Variants in MLLT3 observed in about 807,000 individuals in gnomAD.
MLLT3 encodes the protein protein AF-9.
MLLT3 carries 4 observed loss-of-function variants against 53.2 expected under a neutral mutation model. The observed-to-expected ratio is 0.08, with a 90% confidence interval of 0.04 to 0.17. MLLT3 has a LOEUF of 0.17. Among genes scored for constraint, MLLT3 ranks in the 10% least tolerant of loss-of-function variants. The probability of loss-of-function intolerance (pLI) is 1.00; values close to 1 mark genes in which losing one functional copy is unlikely to be tolerated. For synonymous variants in MLLT3, 283 were observed against 230.6 expected (o/e 1.23, Z -2.06); for missense variants, 569 against 684.0 (o/e 0.83, Z 1.87).
chr9:20,564,189 T>A (rs1273502977), intron 2 of MLLT3, among the ~76,000 whole-genome samples: 1 of 152,140 alleles, frequency 6.6e-6, no homozygotes, highest in Admixed American at 6.6e-5. Context: ...TACAGAGTGA[T>A]CAAGACTGGC....
chr9:20,578,298 T>A (rs1244253120), intron 2 of MLLT3, among the ~76,000 whole-genome samples: 1 of 152,176 alleles, frequency 6.6e-6, no homozygotes, highest in Admixed American at 6.6e-5. Flanking sequence ...AAATTTTGAA[T>A]CACTCTGAAC....
intron 2 of MLLT3, among the ~76,000 whole-genome samples, chr9:20,468,512 T>C (rs964062582): frequency 6.6e-6 from 1 of 152,130 alleles, no homozygotes; most frequent in Non-Finnish European, 1.5e-5. Flanking sequence ...TCCGAGGTTA[T>C]GTACTAAAGC....
intron 7 of MLLT3, 79 bp from the exon 8 acceptor site, chr9:20,360,920 G>T: frequency 8.0e-7 from 1 of 1,252,198 alleles, no homozygotes. Flanking sequence ...GGCGTGGAAA[G>T]CACAGAATCC....
intron 2 of MLLT3, among the ~76,000 whole-genome samples, chr9:20,474,992 AG>A (rs1824485319): frequency 6.6e-6 from 1 of 152,110 alleles, no homozygotes; most frequent in South Asian, 2.1e-4. Flanking sequence ...CTGTCAGCCT[AG>A]TACACCAACC....
intron 8 of MLLT3, among the ~76,000 whole-genome samples, chr9:20,358,417 T>A (rs538197448): frequency 6.6e-6 from 1 of 152,202 alleles, no homozygotes; most frequent in African/African-American, 2.4e-5. Flanking sequence ...GATTCACATG[T>A]GTGAAGCAAC....
At chr9:20,471,713 G>A (rs182648218) in intron 2 of MLLT3, among the ~76,000 whole-genome samples, 52 of 152,098 alleles carry the variant, frequency 3.4e-4, no homozygotes, top group Admixed American at 1.7e-3. Flanking sequence ...CAACAGTTAC[G>A]CTTACTTCCA....
intron 2 of MLLT3, among the ~76,000 whole-genome samples, chr9:20,610,313 G>A (rs1820670450): frequency 6.6e-6 from 1 of 152,092 alleles, no homozygotes; most frequent in Non-Finnish European, 1.5e-5. Flanking sequence ...AGCATCCAAA[G>A]TAAGTGAAGA....
At chr9:20,398,874 T>A (rs892404766) in intron 5 of MLLT3, among the ~76,000 whole-genome samples, 2 of 152,120 alleles carry the variant, frequency 1.3e-5, no homozygotes, top group Non-Finnish European at 2.9e-5. Context: ...TGTGGTTTAA[T>A]ACCCTTCACG....
intron 6 of MLLT3, 43 bp from the exon 7 acceptor site, chr9:20,363,648 A>C: frequency 6.2e-7 from 1 of 1,602,264 alleles, no homozygotes; most frequent in South Asian, 1.1e-5. Flanking sequence ...ACATATACTC[A>C]AACACACTTA....
At chr9:20,503,459 C>A (rs1265833681) in intron 2 of MLLT3, among the ~76,000 whole-genome samples, 1 of 152,146 alleles carries the variant, frequency 6.6e-6, no homozygotes, top group East Asian at 1.9e-4. Flanking sequence ...ACAGCCTCTT[C>A]AATAAATGGT....
chr9:20,352,574 T>C (rs1209191559), intron 10 of MLLT3, among the ~76,000 whole-genome samples: 2 of 152,098 alleles, frequency 1.3e-5, no homozygotes, highest in East Asian at 1.9e-4. Context: ...TAGTCTTTTG[T>C]TCAAATCTAA....
intron 2 of MLLT3, among the ~76,000 whole-genome samples, chr9:20,524,070 A>G (rs1320595489): frequency 6.6e-6 from 1 of 151,834 alleles, no homozygotes; most frequent in Non-Finnish European, 1.5e-5. Context: ...AGCACAGTGG[A>G]TTTTTTGGAC....
intron 2 of MLLT3, among the ~76,000 whole-genome samples, chr9:20,544,168 G>T (rs905911115): frequency 6.6e-6 from 1 of 152,178 alleles, no homozygotes; most frequent in Non-Finnish European, 1.5e-5. Context: ...AGAAAAAGAA[G>T]TTGGATTAAG....
At chr9:20,489,140 C>T (rs1824883780) in intron 2 of MLLT3, among the ~76,000 whole-genome samples, 1 of 152,148 alleles carries the variant, frequency 6.6e-6, no homozygotes, top group African/African-American at 2.4e-5. Context: ...TTCCTTGTTT[C>T]TCCTGGCTTA....
At chr9:20,452,274 T>C (rs377239308) in intron 3 of MLLT3, among the ~76,000 whole-genome samples, 3 of 152,312 alleles carry the variant, frequency 2.0e-5, no homozygotes, top group Admixed American at 1.3e-4. Flanking sequence ...GGGAGGTAAT[T>C]AGATTATGGG....
At chr9:20,559,658 T>A (rs1158430789) in intron 2 of MLLT3, among the ~76,000 whole-genome samples, 2 of 152,220 alleles carry the variant, frequency 1.3e-5, no homozygotes, top group East Asian at 1.9e-4. Flanking sequence ...ATGCATCACA[T>A]GGCATCCTTT....
chr9:20,385,811 A>G (rs1822020273), intron 5 of MLLT3, among the ~76,000 whole-genome samples: 1 of 152,202 alleles, frequency 6.6e-6, no homozygotes, highest in Non-Finnish European at 1.5e-5. Flanking sequence ...CCACTAATTG[A>G]CAGATGATTC....
At chr9:20,507,574 C>T (rs1271356918) in intron 2 of MLLT3, among the ~76,000 whole-genome samples, 2 of 152,014 alleles carry the variant, frequency 1.3e-5, no homozygotes, top group Admixed American at 1.3e-4. Flanking sequence ...GTAATCAAAA[C>T]CAAAATTAAT....
In MLLT3 at chr9:20,621,353, G is replaced by A. The variant is rs1430252720; in HGVS notation, c.13-519C>T. 1.3e-5 allele frequency among the ~76,000 whole-genome samples: 2 copies of A among 152,054 alleles called. No homozygotes were observed. Among genetic ancestry groups the A allele is most frequent in the South Asian group, 4.2e-4 (2 of 4,818 alleles). On this transcript the variant is annotated intron_variant, in intron 1 of 10. Transcript: ENST00000380338. The surrounding 1 kb of genome is among the most constrained non-coding windows in gnomAD (Gnocchi z 7.0). ...GTGGAGCGCTGTGCCAGGCGAAATG[G>A]AAACTACAGGCAGCCTCTGCTGATG...
Sources: allele counts gnomAD v4.1 joint callset (sites outside exome capture counted in the v4.1 genomes callset), GRCh38; gene constraint gnomAD v4.1.1; non-coding constraint Gnocchi (gnomAD v3.1); transcripts MANE v1.5; gene names NCBI Gene and HGNC (gene_info 2026-07-23, HGNC 2026-07-21).